MYO3B: variants seen among roughly 807,000 people sequenced by gnomAD.
MYO3B encodes myosin-IIIb.
In MYO3B, 156 loss-of-function variants were observed where a neutral mutation model predicts 174.6. That is an observed-to-expected ratio of 0.89 (90% CI 0.78 to 1.02). MYO3B has a LOEUF of 1.02. MYO3B is among the 50% of genes least tolerant of loss of function. MYO3B has a pLI of 0.00. For missense variants in MYO3B, 1,632 were observed against 1,639.4 expected (o/e 1.00, Z 0.08); for synonymous variants, 563 against 569.1 (o/e 0.99, Z 0.15).
chr2:170,456,832 T>C (rs1683935715), intron 23 of MYO3B, among the ~76,000 whole-genome samples: 1 of 152,258 alleles, frequency 6.6e-6, no homozygotes, highest in Non-Finnish European at 1.5e-5. Context: ...AGTCACTTAA[T>C]AAAGTGATAT....
At chr2:170,248,478 A>G (rs1444258704) in intron 7 of MYO3B, among the ~76,000 whole-genome samples, 1 of 152,214 alleles carries the variant, frequency 6.6e-6, no homozygotes, top group Non-Finnish European at 1.5e-5. Context: ...ATTATCCTTT[A>G]GTTCCGAAAG....
At position 170,651,628 on chromosome 2, in the gene MYO3B, G is replaced by T; in HGVS notation, c.3734G>T (p.Gly1245Val). The part of the protein sequence containing the change: ...LSLWGAPQKP[G>V]SENGLAQKHR... ...CAGCAAAGTTTTGCTCTTTTTTCAG[G>T]TTCAGAAAATGGTCTTGCACAGAAG... is the stretch of plus-strand genomic sequence containing the variant. The change falls in exon 33 of 35, where the codon GGT (glycine) becomes GTT (valine). Residue 1245 changes from glycine to valine, a missense_variant and splice_region_variant. Gly to Val is a moderately radical substitution (Grantham distance 109). Transcript: ENST00000408978. 1 of 1,613,770 alleles carries T rather than the reference G, an allele frequency of 6.2e-7. No homozygotes were observed. The highest frequency in any genetic ancestry group is 8.5e-7 in the Non-Finnish European group (1 of 1,179,874).
intron 22 of MYO3B, among the ~76,000 whole-genome samples, chr2:170,441,778 T>C (rs1466450474): frequency 6.6e-6 from 1 of 152,238 alleles, no homozygotes. Context: ...ATAATTAGCA[T>C]ATAATGAACA....
At chr2:170,195,456 G>A (rs558417874) in intron 1 of MYO3B, among the ~76,000 whole-genome samples, 7 of 151,950 alleles carry the variant, frequency 4.6e-5, no homozygotes, top group Admixed American at 2.0e-4. Flanking sequence ...AAGCTTCAGG[G>A]GAAGATCATC....
chr2:170,284,463 A>G (rs2093539152), intron 7 of MYO3B, among the ~76,000 whole-genome samples: 1 of 152,160 alleles, frequency 6.6e-6, no homozygotes, highest in Non-Finnish European at 1.5e-5. Context: ...GGGTGCAGAG[A>G]GGGGAGAGGC....
chr2:170,339,172 G>A (rs755847473), intron 8 of MYO3B, among the ~76,000 whole-genome samples: 1 of 152,160 alleles, frequency 6.6e-6, no homozygotes, highest in Non-Finnish European at 1.5e-5. Flanking sequence ...CATTATTGGA[G>A]GGACTGGGCT....
Position 170,653,587 on chromosome 2 carries a change from T to TATCA in MYO3B, c.*467_*470dup, listed in dbSNP as rs934248801. 3.2e-5 allele frequency: 5 copies of TATCA among 158,422 alleles called. No individual in the cohort carries two copies. The highest frequency in any genetic ancestry group is 3.7e-4 in the South Asian group (2 of 5,358). 9.8% of individuals were successfully genotyped at this position (158,422 alleles called of 1,614,324 possible). A position where few individuals can be genotyped will look rare whatever the true frequency, so the allele number is the denominator to read the frequency against. On this transcript the variant is annotated 3_prime_UTR_variant, in exon 35 of 35. Transcript: ENST00000408978. ...TCCTCCCACCTTTGCTGGGCTTTTC[T>TATCA]ATCACTCCCACCTCCCCCAGAGTCA...
At chr2:170,433,867 G>A (rs941472355) in intron 22 of MYO3B, among the ~76,000 whole-genome samples, 2 of 152,194 alleles carry the variant, frequency 1.3e-5, no homozygotes, top group Non-Finnish European at 1.5e-5. Context: ...AGCACAGCAC[G>A]TGACTGTATA....
At chr2:170,393,084 C>CTTTT (rs11427527) in intron 16 of MYO3B, among the ~76,000 whole-genome samples, 1 of 133,690 alleles carries the variant, frequency 7.5e-6, no homozygotes. Flanking sequence ...TACTGTACTA[C>CTTTT]TTTTTTTTTT....
At chr2:170,339,386 G>A (rs907963334) in intron 8 of MYO3B, among the ~76,000 whole-genome samples, 28 of 152,136 alleles carry the variant, frequency 1.8e-4, no homozygotes, top group Admixed American at 1.8e-3. Context: ...TAACAGAGTC[G>A]ATTCAATACT....
intron 7 of MYO3B, among the ~76,000 whole-genome samples, chr2:170,273,154 G>A (rs1319894747): frequency 1.3e-4 from 20 of 152,082 alleles, no homozygotes; most frequent in Non-Finnish European, 1.6e-4. Flanking sequence ...TACTCAGCCC[G>A]GAGCCAAGGC....
chr2:170,561,062 C>A (rs910746596), intron 32 of MYO3B, among the ~76,000 whole-genome samples: 1 of 152,166 alleles, frequency 6.6e-6, no homozygotes, highest in African/African-American at 2.4e-5. Flanking sequence ...AAGCAAGGTA[C>A]CTCCCTTCTC....
Position 170,499,654 on chromosome 2 carries a change from C to A in MYO3B, c.3135C>A (p.Leu1045=). 6.2e-7 allele frequency: 1 copy of A among 1,613,856 alleles called. No individual in the cohort carries two copies. The highest frequency in any genetic ancestry group is 1.1e-5 in the South Asian group (1 of 91,022). ...CTACTGTCTCGTTTCAGGTTTTTCT[C>A]AAATATTACCATGTTGAGCAATTAA... The part of the protein sequence containing the change: ...HWVLGKTKVF[L]KYYHVEQLNL... The change falls in exon 27 of 35, where the codon CTC becomes CTA. Residue 1045 remains leucine, a synonymous_variant. Transcript: ENST00000408978.
At chr2:170,570,084 C>T (rs977040917) in intron 32 of MYO3B, among the ~76,000 whole-genome samples, 2 of 152,174 alleles carry the variant, frequency 1.3e-5, no homozygotes, top group African/African-American at 2.4e-5. Flanking sequence ...GACTCAGACA[C>T]TGGTGTGATT....
rs1684433374 is a variant in MYO3B, at chr2:170,463,452, A to G, written c.2808+7A>G. The stretch of plus-strand genomic sequence containing the variant: ...TGTGGCTTCTTACTTCCGGGTATGG[A>G]GTCTTCTTGATCTCTATTCTGCCTG... On this transcript the variant is annotated splice_region_variant and intron_variant, in intron 24 of 34. Coordinates refer to ENST00000408978, the MANE Select transcript of MYO3B (RefSeq NM_138995.5). 6.2e-7 allele frequency: 1 copy of G among 1,613,244 alleles called. No individual in the cohort carries two copies. The highest frequency in any genetic ancestry group is 8.5e-7 in the Non-Finnish European group (1 of 1,179,506).
intron 32 of MYO3B, among the ~76,000 whole-genome samples, chr2:170,557,852 A>G (rs576559042): frequency 2.6e-5 from 4 of 152,282 alleles, no homozygotes; most frequent in African/African-American, 9.6e-5. Context: ...CCGTCTGCCC[A>G]TTCTTTTTCC....
At chr2:170,449,779 A>C (rs1683479677) in intron 23 of MYO3B, among the ~76,000 whole-genome samples, 1 of 148,924 alleles carries the variant, frequency 6.7e-6, no homozygotes, top group African/African-American at 2.4e-5. Context: ...CTCTGTCTCA[A>C]AAAAAAAAAA....
intron 7 of MYO3B, among the ~76,000 whole-genome samples, chr2:170,318,985 A>G (rs2093795936): frequency 6.6e-6 from 1 of 152,248 alleles, no homozygotes; most frequent in Admixed American, 6.5e-5. Flanking sequence ...AAGAGGTCAC[A>G]TATGTGGGGC....
intron 32 of MYO3B, among the ~76,000 whole-genome samples, chr2:170,588,774 TGAGAAAA>T (rs1297518932): frequency 6.6e-6 from 1 of 152,144 alleles, no homozygotes; most frequent in Non-Finnish European, 1.5e-5. Context: ...AGGAAGACAC[TGAGAAAA>T]CACTGATGCA....
Sources: gnomAD v4.1 joint callset for allele counts (sites outside exome capture counted in the v4.1 genomes callset) on GRCh38, gnomAD v4.1.1 for gene constraint, MANE v1.5 for transcripts, NCBI Gene and HGNC (gene_info 2026-07-23, HGNC 2026-07-21) for gene names.